Variants in RNF123 observed in about 807,000 individuals in gnomAD.
RNF123 encodes the protein ring finger protein 123.
Under a neutral mutation model 168.5 loss-of-function variants are expected in RNF123, and 86 were observed. That is an observed-to-expected ratio of 0.51 (90% CI 0.43 to 0.61). RNF123 has a LOEUF of 0.61. Ranked by LOEUF, RNF123 falls within the 20% of genes least tolerant of loss-of-function variation. RNF123 has a pLI of 0.00. For synonymous variants in RNF123, 666 were observed against 689.1 expected, an observed-to-expected ratio of 0.97 and a Z score of 0.52; for missense variants, 1,419 against 1,729.7, an observed-to-expected ratio of 0.82 and a Z score of 3.19.
At chr3:49,690,147 TA>T in intron 1 of RNF123, among the ~76,000 whole-genome samples, 1 of 151,854 alleles carries the variant, frequency 6.6e-6, no homozygotes, top group African/African-American at 2.4e-5. Flanking sequence ...TGGGGTGAGA[TA>T]AGAGACTGAA....
Position 49,691,125 on chromosome 3 carries a change from C to G in RNF123, c.-36-5C>G. On this transcript the variant is annotated splice_region_variant and splice_polypyrimidine_tract_variant and intron_variant, in intron 1 of 38. Transcript: ENST00000327697. ...CTGAGTAGACAGGCTCTGTGTCTGG[C>G]TCAGCCCCCAGGACCACTGGCTGCC... 1 of 1,593,328 alleles carries G rather than the reference C, an allele frequency of 6.3e-7. No homozygotes were observed. The highest frequency in any genetic ancestry group is 8.6e-7 in the Non-Finnish European group (1 of 1,162,698).
intron 35 of RNF123, chr3:49,718,861 T>G (rs1332421069): frequency 6.2e-7 from 1 of 1,613,446 alleles, no homozygotes; most frequent in African/African-American, 1.3e-5. Context: ...CGCGGCCAGC[T>G]CAGGTACGGA....
rs2080225930 is a variant in RNF123 at position 49,715,600 on chromosome 3, G to A, written c.3036G>A (p.Gln1012=). ...AGCCCTGCCCTTCCACCCTGCTGCAGCAGCACATGGCGGACCTCCTACAGC... is the reference window on the plus strand; with the variant it reads ...AGCCCTGCCCTTCCACCCTGCTGCAACAGCACATGGCGGACCTCCTACAGC... The part of the protein sequence containing the change: ...LQKPCPSTLL[Q]QHMADLLQQG... The change falls in exon 32 of 39, where the codon CAG becomes CAA. Residue 1012 remains glutamine (Q), a synonymous_variant. Coordinates refer to ENST00000327697, the MANE Select transcript of RNF123 (RefSeq NM_022064.5). 4.3e-6 allele frequency: 7 copies of A among 1,613,974 alleles called. No homozygotes were observed. In the African/African-American group the frequency reaches 6.7e-5, roughly 15 times the overall value.
intron 35 of RNF123, chr3:49,718,267 A>G (rs2080293140): frequency 6.2e-7 from 1 of 1,612,722 alleles, no homozygotes; most frequent in Non-Finnish European, 8.5e-7. Flanking sequence ...GAACAGGTAG[A>G]GCAGCACGAG....
chr3:49,721,152 G>A (rs776387687), intron 38 of RNF123, 33 bp from the exon 39 acceptor site: 26 of 1,614,026 alleles, frequency 1.6e-5, no homozygotes, highest in African/African-American at 6.7e-5. Context: ...GTAGGTACAT[G>A]CAGGGCAGTC....
In RNF123 at chr3:49,705,017, C is replaced by T; in HGVS notation, c.1993C>T (p.Leu665=). Residue 665 remains leucine, a synonymous_variant, in exon 23 of 39, where the codon CTG becomes TTG. Coordinates refer to ENST00000327697, the MANE Select transcript of RNF123 (RefSeq NM_022064.5). ...PMQALAVGGP[L]PLPRPGWLSS... is the part of the protein sequence containing the mutation. ...GCAGGCCCTGGCTGTTGGGGGGCCA[C>T]TGCCCCTGCCCCGGCCCGGCTGGCT... 1 of 1,608,926 alleles carries T rather than the reference C, an allele frequency of 6.2e-7. No homozygotes were observed. The highest frequency in any genetic ancestry group is 8.5e-7 in the Non-Finnish European group (1 of 1,178,588).
intron 35 of RNF123, chr3:49,719,610 C>T: frequency 4.4e-6 from 3 of 684,702 alleles, no homozygotes; most frequent in South Asian, 1.9e-5. Flanking sequence ...CCGACGGCCC[C>T]TACTCTCCGG....
intron 15 of RNF123, among the ~76,000 whole-genome samples, chr3:49,701,127 A>G (rs1019066307): frequency 5.3e-5 from 8 of 152,242 alleles, no homozygotes; most frequent in African/African-American, 1.9e-4. Flanking sequence ...CTCAGCTTGT[A>G]GCCGTTTTCT....
rs531763375 is a variant in RNF123 at position 49,690,795 on chromosome 3, G to A, written c.-36-335G>A. On this transcript the variant is annotated intron_variant, in intron 1 of 38. Coordinates refer to ENST00000327697, the MANE Select transcript of RNF123 (RefSeq NM_022064.5). ...GATGGATACAGGGGCTCTGCCCCTAGGACACCTCACTTTGGACATTTTGGT... is the reference window on the plus strand; with the variant it reads ...GATGGATACAGGGGCTCTGCCCCTAAGACACCTCACTTTGGACATTTTGGT... Among the ~76,000 whole-genome samples, 7 of 152,334 alleles carry A rather than the reference G, an allele frequency of 4.6e-5. No homozygotes were observed. The South Asian group carries it at 8.3e-4, about 18-fold the overall frequency.
intron 3 of RNF123, among the ~76,000 whole-genome samples, chr3:49,695,946 C>T (rs886825903): frequency 5.3e-5 from 8 of 152,206 alleles, no homozygotes; most frequent in African/African-American, 1.4e-4. Flanking sequence ...TCCTTTGGCT[C>T]GGGTAGGTGG....
rs770732898 is a variant in RNF123, at chr3:49,703,509, C to G, written c.1833C>G (p.His611Gln). The G allele has an allele frequency of 1.2e-6, 2 of 1,614,050 alleles. No homozygotes were observed. The highest frequency in any genetic ancestry group is 4.5e-5 in the East Asian group (2 of 44,878). The change falls in exon 21 of 39, where the codon CAC becomes CAG. Residue 611 changes from histidine (H) to glutamine (Q), a missense_variant. Transcript: ENST00000327697. Reference protein sequence around the residue: ...DLQRLGGLLSHLRKTLKDDLA... With the variant: ...DLQRLGGLLSQLRKTLKDDLA... ...AGCGCCTGGGGGGCCTCCTCTCGCA[C>G]CTGCGGAAGACCCTCAAAGGTGTGT...
chr3:49,715,612 G>A lies in RNF123; in HGVS notation c.3048G>A (p.Ala1016=), dbSNP rs150080768. The A allele has an allele frequency of 2.1e-5, 34 of 1,614,122 alleles. No individual in the cohort carries two copies. The highest frequency in any genetic ancestry group is 2.0e-4 in the African/African-American group (15 of 75,060). Residue 1016 remains alanine (A), a synonymous_variant, in exon 32 of 39, where the codon GCG becomes GCA. Transcript: ENST00000327697. ...CCACCCTGCTGCAGCAGCACATGGC[G>A]GACCTCCTACAGCAGGGTCCTGATG... The part of the protein sequence containing the change: ...CPSTLLQQHM[A]DLLQQGPDVA...
chr3:49,718,655 C>CA (rs779245856), intron 35 of RNF123: 1 of 1,612,810 alleles, frequency 6.2e-7, no homozygotes, highest in South Asian at 1.1e-5. Context: ...GAGCAGTTCT[C>CA]AAAGACGCGG....
At position 49,704,652 on chromosome 3, in the gene RNF123, G is replaced by A; in HGVS notation, c.1855G>A (p.Asp619Asn). The A allele has an allele frequency of 6.2e-7, 1 of 1,608,930 alleles. No homozygotes were observed. The highest frequency in any genetic ancestry group is 8.5e-7 in the Non-Finnish European group (1 of 1,177,672). ...LSHLRKTLKDDLASKANIVID... is the reference protein window; with the variant it reads ...LSHLRKTLKDNLASKANIVID... ...AACCCTCCTGCTCTTCCTCCCAGAT[G>A]ACCTTGCTTCCAAAGCCAACATTGT... is the stretch of plus-strand genomic sequence containing the variant. Residue 619 changes from aspartate to asparagine, a missense_variant and splice_region_variant, in exon 22 of 39, where the codon GAC becomes AAC. Around this residue, in one of 5 missense-constraint regions of RNF123, gnomAD observed 538 missense variants for 708.8 expected, o/e 0.76. Coordinates refer to ENST00000327697, the MANE Select transcript of RNF123 (RefSeq NM_022064.5).
Position 49,701,902 on chromosome 3 carries a change from G to T in RNF123, c.1487G>T (p.Arg496Leu), listed in dbSNP as rs1300720354. Residue 496 changes from arginine to leucine, a missense_variant, in exon 17 of 39, where the codon CGC (arginine) becomes CTC (leucine). Physicochemically the swap from Arg to Leu is moderately radical, Grantham distance 102 (BLOSUM62 -2). Coordinates refer to ENST00000327697, the MANE Select transcript of RNF123 (RefSeq NM_022064.5). ...YERGCQRLRK[R>L]IEVVEELQVQ... is the part of the protein sequence containing the mutation. ...CGGGGCTGTCAGCGGCTCAGGAAGC[G>T]CATCGAAGGTCAGCCCGCCTTGGGC... The T allele has an allele frequency of 6.4e-7, 1 of 1,560,956 alleles. No individual in the cohort carries two copies. The highest frequency in any genetic ancestry group is 8.7e-7 in the Non-Finnish European group (1 of 1,152,132).
chr3:49,709,667 G>C (rs969211044), intron 26 of RNF123, among the ~76,000 whole-genome samples: 1 of 148,508 alleles, frequency 6.7e-6, no homozygotes, highest in Admixed American at 6.8e-5. Context: ...TTGAACTCCC[G>C]ACCTCAGGTG....
At chr3:49,719,491 G>A (rs763869377) in intron 35 of RNF123, 1 of 1,576,686 alleles carries the variant, frequency 6.3e-7, no homozygotes, top group South Asian at 1.1e-5. Flanking sequence ...GGACAGTACA[G>A]AGCAGCTCTG....
chr3:49,693,467 C>G (rs2054209611), intron 3 of RNF123, among the ~76,000 whole-genome samples: 1 of 145,546 alleles, frequency 6.9e-6, no homozygotes, highest in Non-Finnish European at 1.5e-5. Context: ...AGTAATTCTC[C>G]TGCCTCAGCC....
At chr3:49,719,129 G>C (rs1328744988) in intron 35 of RNF123, 5 of 1,613,488 alleles carry the variant, frequency 3.1e-6, no homozygotes, top group Non-Finnish European at 4.2e-6. Flanking sequence ...AGATCGAGCA[G>C]CCTCAGGCCG....
Sources: allele counts gnomAD v4.1 joint callset (sites outside exome capture counted in the v4.1 genomes callset), GRCh38; gene constraint gnomAD v4.1.1; regional missense constraint gnomAD v4.1.1; transcripts MANE v1.5; gene names NCBI Gene and HGNC (gene_info 2026-07-23, HGNC 2026-07-21).